Variants in ELMO1 observed in about 807,000 individuals in gnomAD.
ELMO1 encodes the protein engulfment and cell motility protein 1.
A neutral mutation model predicts 98.9 loss-of-function variants in ELMO1; 26 were observed. That is an observed-to-expected ratio of 0.26 (90% confidence interval 0.19 to 0.36). The LOEUF (loss-of-function observed/expected upper bound fraction) is 0.36. Ranked by LOEUF, ELMO1 falls within the 10% of genes least tolerant of loss-of-function variation. ELMO1 has a pLI of 1.00. For synonymous variants in ELMO1, 346 were observed against 346.0 expected, an observed-to-expected ratio of 1.00 and a Z score of 0.00; for missense variants, 627 against 935.2, an observed-to-expected ratio of 0.67 and a Z score of 4.30.
chr7:37,304,336 GGAGGGTGTGT>G (rs1167589145), intron 4 of ELMO1, among the ~76,000 whole-genome samples: 4 of 152,168 alleles, frequency 2.6e-5, no homozygotes, highest in Non-Finnish European at 5.9e-5. Flanking sequence ...GACAATCTGA[GGAGGGTGTGT>G]GAGGGTGTGT....
At chr7:36,884,938 C>T (rs889347654) in intron 18 of ELMO1, among the ~76,000 whole-genome samples, 7 of 152,160 alleles carry the variant, frequency 4.6e-5, no homozygotes, top group African/African-American at 1.7e-4. Flanking sequence ...ACCAGGCAGG[C>T]GGTTGTCCAT....
intron 1 of ELMO1, among the ~76,000 whole-genome samples, chr7:37,390,700 T>C (rs1803031525): frequency 6.6e-6 from 1 of 152,214 alleles, no homozygotes; most frequent in Admixed American, 6.5e-5. Flanking sequence ...ATGGGTTTGT[T>C]TGCAAATGGA....
intron 15 of ELMO1, among the ~76,000 whole-genome samples, chr7:37,080,175 C>A (rs1040153639): frequency 6.6e-6 from 1 of 152,118 alleles, no homozygotes; most frequent in African/African-American, 2.4e-5. Flanking sequence ...TGAATCCAAC[C>A]TTTTTACAGT....
intron 1 of ELMO1, among the ~76,000 whole-genome samples, chr7:37,378,231 G>A (rs547181814): frequency 9.8e-5 from 15 of 152,300 alleles, no homozygotes; most frequent in African/African-American, 3.1e-4. Context: ...GCTGAGCTTG[G>A]GAGTGAACTG....
intron 15 of ELMO1, among the ~76,000 whole-genome samples, chr7:37,017,952 C>T (rs1794038643): frequency 6.6e-6 from 1 of 152,028 alleles, no homozygotes; most frequent in Admixed American, 6.6e-5. Flanking sequence ...AAATGTGATG[C>T]CCCCTAGCGT....
At chr7:36,930,686 C>T (rs980798247) in intron 16 of ELMO1, among the ~76,000 whole-genome samples, 1 of 152,192 alleles carries the variant, frequency 6.6e-6, no homozygotes, top group Non-Finnish European at 1.5e-5. Flanking sequence ...TTTTTAGAAA[C>T]ACCTCACTGA....
chr7:36,953,243 A>C (rs1238216866), intron 16 of ELMO1, among the ~76,000 whole-genome samples: 5 of 152,126 alleles, frequency 3.3e-5, no homozygotes, highest in Non-Finnish European at 7.4e-5. Context: ...CTGGGATTAC[A>C]GGTATGAGCC....
chr7:37,162,960 C>T (rs955110608), intron 13 of ELMO1, among the ~76,000 whole-genome samples: 7 of 152,108 alleles, frequency 4.6e-5, no homozygotes, highest in African/African-American at 1.4e-4. Context: ...AATAAATAAT[C>T]CTTGTTCAGG....
At chr7:36,984,916 T>C (rs1404875229) in intron 16 of ELMO1, 1 of 985,424 alleles carries the variant, frequency 1.0e-6, no homozygotes, top group East Asian at 1.1e-4. Context: ...TGGCATTACC[T>C]TTCCTCTCCC....
At chr7:37,405,136 T>G (rs549752790) in intron 1 of ELMO1, among the ~76,000 whole-genome samples, 1 of 152,232 alleles carries the variant, frequency 6.6e-6, no homozygotes, top group East Asian at 1.9e-4. Flanking sequence ...TGAGTGACAA[T>G]GGGATTTTAT....
At chr7:36,996,266 TA>T (rs1482366079) in intron 16 of ELMO1, among the ~76,000 whole-genome samples, 9 of 152,312 alleles carry the variant, frequency 5.9e-5, no homozygotes, top group African/African-American at 1.9e-4. Flanking sequence ...ACTGAGTCCA[TA>T]AGACTGTTTG....
intron 15 of ELMO1, among the ~76,000 whole-genome samples, chr7:37,081,074 G>C (rs1797842913): frequency 6.6e-6 from 1 of 152,066 alleles, no homozygotes; most frequent in Admixed American, 6.5e-5. Flanking sequence ...TGCTCTTTAA[G>C]GGAATGGATA....
At chr7:37,105,280 A>T (rs1784882600) in intron 14 of ELMO1, among the ~76,000 whole-genome samples, 1 of 152,202 alleles carries the variant, frequency 6.6e-6, no homozygotes, top group Non-Finnish European at 1.5e-5. Context: ...CAGTAATCAC[A>T]ACATTACTGA....
Position 37,222,618 on chromosome 7 carries a change from C to T in ELMO1, c.777G>A (p.Arg259=). ...AGACTAAAGAAATGCAACTTACCTGCCTCCTCTCATCAGGAGCCTTCAGGA... is the reference window on the plus strand; with the variant it reads ...AGACTAAAGAAATGCAACTTACCTGTCTCCTCTCATCAGGAGCCTTCAGGA... ...ALFLKAPDER[R]QEMANILAQK... Residue 259 remains arginine (R), a synonymous_variant, in exon 10 of 22, where the codon AGG becomes AGA. Transcript: ENST00000310758. 6.2e-7 allele frequency: 1 copy of T among 1,613,988 alleles called. No individual in the cohort carries two copies. Among genetic ancestry groups the T allele is most frequent in the South Asian group, 1.1e-5 (1 of 91,064 alleles).
At chr7:37,256,309 C>T (rs1214989449) in intron 6 of ELMO1, among the ~76,000 whole-genome samples, 2 of 152,114 alleles carry the variant, frequency 1.3e-5, no homozygotes, top group African/African-American at 4.8e-5. Context: ...TTCCCGATCA[C>T]CCAGGCCTGT....
At chr7:37,403,083 T>C (rs1358873107) in intron 1 of ELMO1, among the ~76,000 whole-genome samples, 2 of 152,210 alleles carry the variant, frequency 1.3e-5, no homozygotes, top group Non-Finnish European at 2.9e-5. Flanking sequence ...AACTGTAGTA[T>C]AGATACACAA....
chr7:36,895,455 T>A (rs1040767419), intron 16 of ELMO1, among the ~76,000 whole-genome samples: 6 of 152,200 alleles, frequency 3.9e-5, no homozygotes, highest in Non-Finnish European at 8.8e-5. Flanking sequence ...TGGAGCTGGT[T>A]CAAATGAATG....
At chr7:37,141,523 C>CA (rs34369659) in intron 13 of ELMO1, among the ~76,000 whole-genome samples, 48,154 of 151,108 alleles carry the variant, frequency 0.32, 9,321 homozygotes, top group Non-Finnish European at 0.43. Flanking sequence ...TGAAATAAAC[C>CA]AAAAAAAACT....
intron 1 of ELMO1, among the ~76,000 whole-genome samples, chr7:37,388,342 CAA>C (rs1802902748): frequency 6.6e-6 from 1 of 151,766 alleles, no homozygotes; most frequent in African/African-American, 2.4e-5. Flanking sequence ...TTACCAAGAC[CAA>C]AATACTGCAT....
Sources: allele counts gnomAD v4.1 joint callset (sites outside exome capture counted in the v4.1 genomes callset), GRCh38; gene constraint gnomAD v4.1.1; transcripts MANE v1.5; gene names NCBI Gene and HGNC (gene_info 2026-07-23, HGNC 2026-07-21).